The following KCNN2 variants were observed in gnomAD, a reference collection of about 807,000 sequenced individuals.
The protein encoded by KCNN2 is potassium calcium-activated channel subfamily N member 2, also known as small conductance calcium-activated potassium channel protein 2.
In KCNN2, 24 loss-of-function variants were observed where a neutral mutation model predicts 55.5. The observed-to-expected ratio is 0.43, with a 90% CI of 0.31 to 0.61. KCNN2 has a LOEUF of 0.61. Ranked by LOEUF, KCNN2 falls within the 20% of genes least tolerant of loss-of-function variation. The probability of loss-of-function intolerance (pLI) is 0.08; values close to 1 mark genes in which losing one functional copy is unlikely to be tolerated. For missense variants in KCNN2, 754 were observed against 853.6 expected, an observed-to-expected ratio of 0.88 and a Z score of 1.45; for synonymous variants, 431 against 336.1, an observed-to-expected ratio of 1.28 and a Z score of -3.09.
chr5:114,356,853 CT>C (rs776037099), intron 2 of KCNN2, among the ~76,000 whole-genome samples: 1 of 151,910 alleles, frequency 6.6e-6, no homozygotes, highest in Non-Finnish European at 1.5e-5. Flanking sequence ...TTTTTAGGGC[CT>C]TTTAATTGTT....
At chr5:114,162,955 G>C (rs1414162004) in intron 1 of KCNN2, among the ~76,000 whole-genome samples, 1 of 152,176 alleles carries the variant, frequency 6.6e-6, no homozygotes, top group Non-Finnish European at 1.5e-5. Flanking sequence ...CTTCCCGGGT[G>C]AGGCGATGCC....
chr5:114,056,823 T>A (rs1201588627), intron 1 of KCNN2, among the ~76,000 whole-genome samples: 1 of 152,136 alleles, frequency 6.6e-6, no homozygotes, highest in Non-Finnish European at 1.5e-5. Context: ...TATCCAATCT[T>A]TTATTTATTT....
intron 1 of KCNN2, among the ~76,000 whole-genome samples, chr5:114,205,821 A>C (rs538888267): frequency 1.3e-4 from 20 of 152,328 alleles, no homozygotes; most frequent in African/African-American, 4.8e-4. Flanking sequence ...GCATATTAAA[A>C]ACCATAAGTG....
intron 2 of KCNN2, among the ~76,000 whole-genome samples, chr5:114,317,999 C>T (rs1466936181): frequency 6.6e-6 from 1 of 152,160 alleles, no homozygotes; most frequent in Non-Finnish European, 1.5e-5. Flanking sequence ...ATCAACAGTA[C>T]ACGTGGATGT....
intron 3 of KCNN2, among the ~76,000 whole-genome samples, chr5:114,446,358 G>T (rs1419566392): frequency 6.6e-6 from 1 of 152,180 alleles, no homozygotes; most frequent in Non-Finnish European, 1.5e-5. Flanking sequence ...AAATAGCCCT[G>T]TTATGAAAGC....
rs1250871095 is a variant in KCNN2 at position 114,487,194 on chromosome 5, A to G, written c.2018+17A>G. 1.9e-6 allele frequency: 3 copies of G among 1,610,206 alleles called. No homozygotes were observed. Among genetic ancestry groups the G allele is most frequent in the Non-Finnish European group, 2.5e-6 (3 of 1,177,726 alleles). On this transcript the variant is annotated intron_variant, in intron 6 of 7. Coordinates refer to ENST00000673685, the MANE Select transcript of KCNN2 (RefSeq NM_021614.4). ...TATTCATCAGTAAGTATCATTTTTC[A>G]TTTTTATCCTGTTGTTGTGTCCTTG...
chr5:114,236,738 T>A (rs1455850204), intron 2 of KCNN2, among the ~76,000 whole-genome samples: 1 of 152,188 alleles, frequency 6.6e-6, no homozygotes, highest in African/African-American at 2.4e-5. Context: ...TGGATATATG[T>A]GAAATGTGAA....
At chr5:114,078,937 A>AT (rs1283935792) in intron 1 of KCNN2, among the ~76,000 whole-genome samples, 7 of 151,922 alleles carry the variant, frequency 4.6e-5, no homozygotes, top group African/African-American at 7.3e-5. Context: ...ATGTGTCATC[A>AT]TTTTTTTTGT....
intron 1 of KCNN2, among the ~76,000 whole-genome samples, chr5:114,165,172 G>GT (rs1040948371): frequency 6.6e-6 from 1 of 152,128 alleles, no homozygotes; most frequent in African/African-American, 2.4e-5. Flanking sequence ...TACATGTGGA[G>GT]TTTTTTCAAT....
intron 5 of KCNN2, among the ~76,000 whole-genome samples, chr5:114,478,103 T>C (rs779974036): frequency 2.0e-5 from 3 of 151,276 alleles, no homozygotes; most frequent in African/African-American, 7.3e-5. Context: ...GAGAGAGAGG[T>C]TGGAGCATGA....
chr5:114,232,938 T>TTTTTTTTTTTTTTTTTG (rs1399367540), intron 2 of KCNN2, among the ~76,000 whole-genome samples: 1 of 116,996 alleles, frequency 8.5e-6, no homozygotes, highest in African/African-American at 3.1e-5. Flanking sequence ...TTTTTTTTTT[T>TTTTTTTTTTTTTTTTTG]GAGACGGAGT....
chr5:114,074,334 G>GCA (rs1750642621), intron 1 of KCNN2, among the ~76,000 whole-genome samples: 4 of 149,948 alleles, frequency 2.7e-5, no homozygotes, highest in South Asian at 2.1e-4. Context: ...GTGTGTGCGC[G>GCA]CGCGCGCCAG....
chr5:114,455,680 A>G (rs565670219), intron 3 of KCNN2, among the ~76,000 whole-genome samples: 2 of 152,352 alleles, frequency 1.3e-5, no homozygotes, highest in East Asian at 3.9e-4. Flanking sequence ...ACATTTATCC[A>G]AGTTGTGAAT....
intron 1 of KCNN2, among the ~76,000 whole-genome samples, chr5:114,182,774 A>G (rs6594790): frequency 6.6e-6 from 1 of 151,902 alleles, no homozygotes; most frequent in Non-Finnish European, 1.5e-5. Context: ...TTTATATTCT[A>G]TAGATTTTTC....
At chr5:114,190,245 C>T (rs12519982) in intron 1 of KCNN2, among the ~76,000 whole-genome samples, 5 of 151,970 alleles carry the variant, frequency 3.3e-5, no homozygotes, top group Admixed American at 1.3e-4. Flanking sequence ...TAGGTAGATA[C>T]GTTAGAGAAA....
In KCNN2 at chr5:114,081,648, A is replaced by G. The variant is rs1019051942; in HGVS notation, c.-271+25148A>G. ...TAACTCAAAATGAATCAAAGACCTA[A>G]ATGTAAGACCTAAAACTCTTAGAAG... On this transcript the variant is annotated intron_variant, in intron 1 of 10. Transcript: ENST00000512097. Among the ~76,000 whole-genome samples, 4 of 152,198 alleles carry G rather than the reference A, an allele frequency of 2.6e-5. No homozygotes were observed. The East Asian group carries it at 7.7e-4, about 29-fold the overall frequency.
At chr5:114,373,641 TA>T (rs1410014611) in intron 2 of KCNN2, among the ~76,000 whole-genome samples, 1 of 75,468 alleles carries the variant, frequency 1.3e-5, no homozygotes, top group African/African-American at 4.9e-5. Flanking sequence ...ATGAAGATTT[TA>T]TATATATATA....
At chr5:114,252,333 G>T (rs949461035) in intron 2 of KCNN2, among the ~76,000 whole-genome samples, 2 of 152,084 alleles carry the variant, frequency 1.3e-5, no homozygotes, top group African/African-American at 4.8e-5. Context: ...CTTATATGAA[G>T]AGACTCCCTC....
intron 1 of KCNN2, among the ~76,000 whole-genome samples, chr5:114,072,051 G>C (rs990157905): frequency 6.6e-6 from 1 of 152,206 alleles, no homozygotes; most frequent in African/African-American, 2.4e-5. Flanking sequence ...CCAGCACTTT[G>C]GGAGGCCAAG....
Sources: allele counts gnomAD v4.1 joint callset (sites outside exome capture counted in the v4.1 genomes callset), GRCh38; gene constraint gnomAD v4.1.1; transcripts MANE v1.5; gene names NCBI Gene and HGNC (gene_info 2026-07-23, HGNC 2026-07-21).